The following RBL2 variants were observed in gnomAD, a reference collection of about 807,000 sequenced individuals.
The protein encoded by RBL2 is retinoblastoma-like protein 2.
A neutral mutation model predicts 126.0 loss-of-function variants in RBL2; 56 were observed. That is an observed-to-expected ratio of 0.44 (90% CI 0.36 to 0.56). The LOEUF is 0.56. RBL2 is among the 20% of genes least tolerant of loss of function. The pLI, the probability that RBL2 is intolerant of heterozygous loss-of-function variation, is 0.00. For missense variants in RBL2, 1,229 were observed against 1,398.2 expected (o/e 0.88, Z 1.93); for synonymous variants, 454 against 478.5 (o/e 0.95, Z 0.67).
intron 6 of RBL2, 23 bp downstream of exon 6, chr16:53,453,635 A>G (rs752160231): frequency 1.1e-5 from 17 of 1,604,794 alleles, no homozygotes; most frequent in Non-Finnish European, 1.4e-5. Flanking sequence ...CAAAGAAATA[A>G]CGTGAAAATG....
chr16:53,488,168 GGTGAAT>G (rs1160735341), intron 21 of RBL2: 1 of 152,176 alleles, frequency 6.6e-6, no homozygotes, highest in Non-Finnish European at 1.5e-5. Context: ...TCCTTCAGCT[GGTGAAT>G]GCATATAAAT....
chr16:53,470,642 T>C lies in RBL2; in HGVS notation c.2505T>C (p.Ser835=), dbSNP rs2058314040. The change falls in exon 16 of 22, where the codon TCT becomes TCC. Residue 835 remains serine, a synonymous_variant. Coordinates refer to ENST00000262133, the MANE Select transcript of RBL2 (RefSeq NM_005611.4). The part of the protein sequence containing the change: ...SSSNRPRKTS[S]LSLFFRKVYH... ...GTAATAGACCCAGGAAGACCAGCTC[T>C]TTATCGCTTTTCTTTAGAAAGGTAA... 1 of 1,613,890 alleles carries C rather than the reference T, an allele frequency of 6.2e-7. No individual in the cohort carries two copies. The highest frequency in any genetic ancestry group is 1.3e-5 in the African/African-American group (1 of 74,932).
chr16:53,442,951 GAA>G (rs1197526155), intron 3 of RBL2, 93 bp downstream of exon 3: 77 of 968,382 alleles, frequency 8.0e-5, no homozygotes, highest in Non-Finnish European at 1.1e-4. Flanking sequence ...TTTTAAAAAA[GAA>G]ATAAGATTTA....
chr16:53,481,812 T>A lies in RBL2; in HGVS notation c.3226T>A (p.Tyr1076Asn), dbSNP rs1339096267. 1.3e-6 allele frequency: 2 copies of A among 1,588,222 alleles called. No homozygotes were observed. Among genetic ancestry groups the A allele is most frequent in the Non-Finnish European group, 1.7e-6 (2 of 1,156,638 alleles). ...TTCTCCTCGAGAAAAGATTTTCTATTACTTCAGCAACAGTCCTTCAAAGGT... is the reference window on the plus strand; with the variant it reads ...TTCTCCTCGAGAAAAGATTTTCTATAACTTCAGCAACAGTCCTTCAAAGGT... ...MLSPREKIFY[Y>N]FSNSPSKRLR... is the part of the protein sequence containing the mutation. The change falls in exon 21 of 22, where the codon TAC becomes AAC. Residue 1076 changes from tyrosine to asparagine, a missense_variant. Transcript: ENST00000262133.
intron 8 of RBL2, among the ~76,000 whole-genome samples, chr16:53,457,823 C>T (rs2058183792): frequency 6.6e-6 from 1 of 152,208 alleles, no homozygotes; most frequent in Non-Finnish European, 1.5e-5. Context: ...AGGACTCTGG[C>T]AGGAAGCTGT....
At position 53,439,043 on chromosome 16, in the gene RBL2, G is replaced by A. The variant is rs755673624; in HGVS notation, c.268G>A (p.Ala90Thr). 4.4e-6 allele frequency: 7 copies of A among 1,602,618 alleles called. No individual in the cohort carries two copies. Among genetic ancestry groups the A allele is most frequent in the Non-Finnish European group, 5.1e-6 (6 of 1,174,724 alleles). ...EGNDLHWLAC[A>T]LYVACRKSVP... ...AAATGATCTTCATTGGTTAGCATGT[G>A]CCTTATATGTGGCTTGCAGAAAATC... The change falls in exon 2 of 22, where the codon GCC becomes ACC. Residue 90 changes from alanine (A) to threonine (T), a missense_variant. Physicochemically the swap from Ala to Thr is moderately conservative, Grantham distance 58. Around this residue, in one of 2 missense-constraint regions of RBL2, gnomAD observed 1,070 missense variants for 1,274.3 expected, o/e 0.84. Transcript: ENST00000262133.
intron 5 of RBL2, among the ~76,000 whole-genome samples, chr16:53,452,266 AAACT>A (rs10559070): frequency 0.013 from 1,955 of 152,354 alleles, 41 homozygotes; most frequent in African/African-American, 0.044. Flanking sequence ...TTCATCTTTT[AAACT>A]AACAGATATA....
intron 8 of RBL2, among the ~76,000 whole-genome samples, chr16:53,459,005 C>T (rs1322167236): frequency 6.6e-6 from 1 of 152,104 alleles, no homozygotes; most frequent in African/African-American, 2.4e-5. Context: ...AATTTAATCA[C>T]AATTTTCTTT....
chr16:53,453,713 G>C lies in RBL2; in HGVS notation c.936G>C (p.Lys312Asn), dbSNP rs920661582. ...CTCTTCTTTCATCATAGCTCCTTAA[G>C]GGAAAAGAAGAAAATCTCACTGGGT... ...IRKLYEKKLL[K>N]GKEENLTGFL... The change falls in exon 7 of 22, where the codon AAG becomes AAC. Residue 312 changes from lysine to asparagine, a missense_variant. Lys to Asn is a moderately conservative substitution (Grantham distance 94, BLOSUM62 0). This residue lies in a region of RBL2 where 1,070 missense variants were observed against 1,274.3 expected (regional missense o/e 0.84). Coordinates refer to ENST00000262133, the MANE Select transcript of RBL2 (RefSeq NM_005611.4). The C allele has an allele frequency of 2.5e-6, 4 of 1,611,082 alleles. No homozygotes were observed. The highest frequency in any genetic ancestry group is 3.4e-6 in the Non-Finnish European group (4 of 1,179,040).
chr16:53,461,750 C>T lies in RBL2; in HGVS notation c.1356C>T (p.Ser452=). 1 of 1,589,508 alleles carries T rather than the reference C, an allele frequency of 6.3e-7. No individual in the cohort carries two copies. The highest frequency in any genetic ancestry group is 8.5e-7 in the Non-Finnish European group (1 of 1,171,006). ...EKLEQILRTC[S]RDPTQAIANR... Reference sequence around the variant, plus strand: ...TCATTACCTTTTTTAGGACATGTTCCAGAGATCCAACCCAGGCTATTGCTA... The same window carrying T: ...TCATTACCTTTTTTAGGACATGTTCTAGAGATCCAACCCAGGCTATTGCTA... The change falls in exon 10 of 22, where the codon TCC becomes TCT. Residue 452 remains serine (S), a synonymous_variant. Transcript: ENST00000262133.
Position 53,453,624 on chromosome 16 carries a change from G to T in RBL2, c.927+12G>T, listed in dbSNP as rs1051589495. The T allele has an allele frequency of 1.2e-6, 2 of 1,605,008 alleles. No homozygotes were observed. Among genetic ancestry groups the T allele is most frequent in the African/African-American group, 2.7e-5 (2 of 74,384 alleles). Reference sequence around the variant, plus strand: ...TTTATGAAAAAAAGGTTTGTAAGTAGCAAAGAAATAACGTGAAAATGTTTT... The same window carrying T: ...TTTATGAAAAAAAGGTTTGTAAGTATCAAAGAAATAACGTGAAAATGTTTT... On this transcript the variant is annotated intron_variant, in intron 6 of 21. Transcript: ENST00000262133.
intron 12 of RBL2, among the ~76,000 whole-genome samples, chr16:53,465,097 T>A (rs2058260519): frequency 6.6e-6 from 1 of 152,240 alleles, no homozygotes; most frequent in South Asian, 2.1e-4. Flanking sequence ...TGATACTGAC[T>A]TAGCATATGA....
intron 4 of RBL2, among the ~76,000 whole-genome samples, chr16:53,451,341 A>T (rs1281090212): frequency 6.6e-6 from 1 of 152,082 alleles, no homozygotes; most frequent in Non-Finnish European, 1.5e-5. Flanking sequence ...CTCCATCTCT[A>T]AAAAAAGTTT....
intron 1 of RBL2, among the ~76,000 whole-genome samples, chr16:53,436,603 G>C (rs2057960765): frequency 6.6e-6 from 1 of 152,212 alleles, no homozygotes; most frequent in Admixed American, 6.5e-5. Context: ...TCTCATGGGA[G>C]TGCAAGGGAA....
intron 3 of RBL2, 114 bp downstream of exon 3, chr16:53,442,972 T>G: frequency 1.2e-6 from 1 of 853,418 alleles, no homozygotes; most frequent in Admixed American, 3.6e-5. Flanking sequence ...TAAAAAATCT[T>G]TTTCCTCAGT....
intron 14 of RBL2, 102 bp from the exon 15 acceptor site, chr16:53,469,814 T>C: frequency 2.3e-6 from 3 of 1,286,042 alleles, no homozygotes; most frequent in Non-Finnish European, 3.2e-6. Context: ...AATTATGAAG[T>C]ATTTCAAACA....
chr16:53,448,108 C>T (rs570364808), intron 4 of RBL2, among the ~76,000 whole-genome samples: 1 of 152,232 alleles, frequency 6.6e-6, no homozygotes, highest in South Asian at 2.1e-4. Context: ...GAAGGAGTTT[C>T]ATAAGTATAA....
intron 3 of RBL2, 61 bp downstream of exon 3, chr16:53,442,919 C>T (rs1323436728): frequency 1.6e-6 from 2 of 1,215,850 alleles, no homozygotes; most frequent in Non-Finnish European, 2.2e-6. Context: ...TGTTGATATT[C>T]TGCTAGGTTT....
intron 7 of RBL2, chr16:53,454,127 C>T: frequency 2.5e-6 from 1 of 404,600 alleles, no homozygotes; most frequent in East Asian, 7.2e-5. Flanking sequence ...GCAGCTGAAA[C>T]ACTGTCAGCA....
Sources: gnomAD v4.1 joint callset for allele counts (sites outside exome capture counted in the v4.1 genomes callset) on GRCh38, gnomAD v4.1.1 for gene constraint, gnomAD v4.1.1 regional missense constraint, MANE v1.5 for transcripts, NCBI Gene and HGNC (gene_info 2026-07-23, HGNC 2026-07-21) for gene names.